The following RAB27A variants were observed in gnomAD, a reference collection of about 807,000 sequenced individuals.
The protein encoded by RAB27A is ras-related protein Rab-27A.
In RAB27A, 17 loss-of-function variants were observed where a neutral mutation model predicts 20.8. The observed-to-expected ratio is 0.82, with a 90% CI of 0.56 to 1.23. RAB27A has a LOEUF of 1.23. Ranked by LOEUF, RAB27A falls within the 50% of genes most tolerant of loss-of-function variation. RAB27A has a pLI of 0.00. For synonymous variants in RAB27A, 85 were observed against 92.8 expected (o/e 0.92, Z 0.48); for missense variants, 277 against 266.7 (o/e 1.04, Z -0.27).
At chr15:55,313,954 C>G (rs2055031804) in intron 2 of RAB27A, 2 of 156,820 alleles carry the variant, frequency 1.3e-5, no homozygotes, top group South Asian at 4.1e-4. Context: ...GCTTGGGCAA[C>G]AGAGCGAGAC....
At chr15:55,230,854 T>G (rs1020143183) in intron 3 of RAB27A, among the ~76,000 whole-genome samples, 3 of 152,180 alleles carry the variant, frequency 2.0e-5, no homozygotes, top group African/African-American at 7.2e-5. Context: ...GGGGTACATG[T>G]GCAGGCTTGT....
intron 2 of RAB27A, among the ~76,000 whole-genome samples, chr15:55,258,753 CTT>C (rs1307216342): frequency 1.3e-5 from 2 of 152,182 alleles, no homozygotes; most frequent in Non-Finnish European, 2.9e-5. Context: ...GTGTGAGCAT[CTT>C]TTATTAGTTT....
At chr15:55,214,589 T>A (rs1391510537) in intron 6 of RAB27A, among the ~76,000 whole-genome samples, 1 of 152,216 alleles carries the variant, frequency 6.6e-6, no homozygotes, top group Admixed American at 6.5e-5. Flanking sequence ...CTCTAAAATA[T>A]CTTAATCAGA....
chr15:55,226,341 C>T (rs1895793159), intron 5 of RAB27A, among the ~76,000 whole-genome samples: 1 of 152,080 alleles, frequency 6.6e-6, no homozygotes, highest in African/African-American at 2.4e-5. Context: ...TCACCCTTCT[C>T]AAGAGGGCAT....
chr15:55,203,626 G>A lies in RAB27A; in HGVS notation c.*1881C>T, dbSNP rs1342496727. 2 of 138,302 alleles carry A rather than the reference G, an allele frequency of 1.4e-5. No homozygotes were observed. The highest frequency in any genetic ancestry group is 7.7e-5 in the Admixed American group (1 of 12,918). 8.6% of individuals were successfully genotyped at this position (138,302 alleles called of 1,614,324 possible). A position where few individuals can be genotyped will look rare whatever the true frequency, so the allele number is the denominator to read the frequency against. On this transcript the variant is annotated 3_prime_UTR_variant, in exon 7 of 7. Coordinates refer to ENST00000336787, the MANE Select transcript of RAB27A (RefSeq NM_183235.3). ...TTTAGTAGAGATGGGGTTTCACTGT[G>A]TTAGCCAGGATGGTCTCGATCTCCT... is the stretch of plus-strand genomic sequence containing the variant.
intron 2 of RAB27A, among the ~76,000 whole-genome samples, chr15:55,310,042 G>T (rs373564279): frequency 1.9e-4 from 29 of 152,122 alleles, no homozygotes; most frequent in African/African-American, 6.7e-4. Context: ...GACAACAAAC[G>T]GGTGTTCCTT....
chr15:55,278,639 C>G (rs927216087), intron 1 of RAB27A, among the ~76,000 whole-genome samples: 2 of 152,058 alleles, frequency 1.3e-5, no homozygotes, highest in African/African-American at 2.4e-5. Context: ...CCCGCCACCA[C>G]GTCTGGCTAA....
chr15:55,268,494 C>G (rs568656287), intron 2 of RAB27A, among the ~76,000 whole-genome samples: 248 of 152,296 alleles, frequency 1.6e-3, no homozygotes, highest in African/African-American at 5.5e-3. Context: ...CACGGGAACC[C>G]TTCCAGGTGT....
At chr15:55,295,909 T>G (rs1595753747) in intron 2 of RAB27A, among the ~76,000 whole-genome samples, 1 of 151,868 alleles carries the variant, frequency 6.6e-6, no homozygotes, top group Non-Finnish European at 1.5e-5. Context: ...CTTTTTTTTT[T>G]TTTTTGAGAT....
chr15:55,234,207 C>T (rs1424771247), intron 3 of RAB27A, among the ~76,000 whole-genome samples: 3 of 152,162 alleles, frequency 2.0e-5, no homozygotes, highest in African/African-American at 2.4e-5. Context: ...TCCCCTCCAA[C>T]ACTAGAATAA....
At chr15:55,302,360 T>C (rs1459457438) in intron 2 of RAB27A, among the ~76,000 whole-genome samples, 7 of 151,738 alleles carry the variant, frequency 4.6e-5, no homozygotes, top group African/African-American at 1.5e-4. Flanking sequence ...GCAGACGGAG[T>C]CTCGTTCACT....
At chr15:55,258,539 T>C (rs1217481384) in intron 2 of RAB27A, among the ~76,000 whole-genome samples, 1 of 152,188 alleles carries the variant, frequency 6.6e-6, no homozygotes, top group Non-Finnish European at 1.5e-5. Flanking sequence ...TCACCTCCTC[T>C]AGGGTAGGCG....
chr15:55,274,028 A>G (rs1897781141), intron 1 of RAB27A, among the ~76,000 whole-genome samples: 1 of 152,218 alleles, frequency 6.6e-6, no homozygotes. Flanking sequence ...ATTTAAGACG[A>G]TCGAAATCAT....
intron 1 of RAB27A, chr15:55,317,504 A>C (rs1201005122): frequency 3.0e-5 from 10 of 330,208 alleles, no homozygotes; most frequent in Admixed American, 2.9e-4. Flanking sequence ...CAGTAGAGAC[A>C]GGGTTTCACC....
chr15:55,303,038 GA>G (rs2054980251), intron 2 of RAB27A, among the ~76,000 whole-genome samples: 1 of 146,548 alleles, frequency 6.8e-6, no homozygotes, highest in African/African-American at 2.6e-5. Flanking sequence ...GGAGGTGGGG[GA>G]TCAGCCCCCC....
intron 6 of RAB27A, among the ~76,000 whole-genome samples, chr15:55,216,079 T>C (rs2140934808): frequency 6.6e-6 from 1 of 152,262 alleles, no homozygotes; most frequent in Non-Finnish European, 1.5e-5. Context: ...GCTTCATCTG[T>C]AATACCAAAT....
At chr15:55,261,303 G>A (rs1215551840) in intron 2 of RAB27A, among the ~76,000 whole-genome samples, 2 of 151,724 alleles carry the variant, frequency 1.3e-5, no homozygotes, top group African/African-American at 4.8e-5. Context: ...AGGCTGAGGT[G>A]GGAGAATTGC....
chr15:55,248,100 A>G (rs1252698949), intron 2 of RAB27A, among the ~76,000 whole-genome samples: 1 of 152,014 alleles, frequency 6.6e-6, no homozygotes, highest in Non-Finnish European at 1.5e-5. Flanking sequence ...CACCCAGACT[A>G]CAGGCACTAA....
At chr15:55,216,404 G>C (rs752753281) in intron 6 of RAB27A, among the ~76,000 whole-genome samples, 1 of 151,924 alleles carries the variant, frequency 6.6e-6, no homozygotes, top group African/African-American at 2.4e-5. Context: ...ATGGTGGCAC[G>C]TGCCTGTAGT....
Sources: allele counts gnomAD v4.1 joint callset (sites outside exome capture counted in the v4.1 genomes callset), GRCh38; gene constraint gnomAD v4.1.1; transcripts MANE v1.5; gene names NCBI Gene and HGNC (gene_info 2026-07-23, HGNC 2026-07-21).